XPNPEP3: variants seen among roughly 807,000 people sequenced by gnomAD.
XPNPEP3 encodes X-prolyl aminopeptidase 3, also known as xaa-Pro aminopeptidase 3.
A neutral mutation model predicts 60.0 loss-of-function variants in XPNPEP3; 41 were observed. The observed-to-expected ratio is 0.68, with a 90% confidence interval of 0.53 to 0.89. XPNPEP3 has a LOEUF of 0.89. Among genes scored for constraint, XPNPEP3 ranks in the 40% least tolerant of loss-of-function variants. The pLI, the probability that XPNPEP3 is intolerant of heterozygous loss-of-function variation, is 0.00. For synonymous variants in XPNPEP3, 212 were observed against 223.2 expected (o/e 0.95, Z 0.45); for missense variants, 598 against 638.9 (o/e 0.94, Z 0.69).
In XPNPEP3 at chr22:40,902,485, C is replaced by T. The variant is rs150171404; in HGVS notation, c.793-5102C>T. Among the ~76,000 whole-genome samples the T allele has an allele frequency of 2.2e-3, 335 of 152,120 alleles. 7 individuals carry two copies. The East Asian group carries it at 0.036, about 16-fold the overall frequency. On this transcript the variant is annotated intron_variant, in intron 4 of 9. Transcript: ENST00000357137. ...CAGGATGGTCTCGATCTCCTGACCT[C>T]GTGATCCGCCCACCTCGGCCTCCCA...
intron 1 of XPNPEP3, chr22:40,860,526 C>G: frequency 4.3e-6 from 3 of 697,220 alleles, no homozygotes; most frequent in East Asian, 6.5e-5. Context: ...TTGATACATT[C>G]TTGTCTTCTA....
chr22:40,926,509 A>C lies in XPNPEP3; in HGVS notation c.*74A>C. 2 of 1,542,544 alleles carry C rather than the reference A, an allele frequency of 1.3e-6. No individual in the cohort carries two copies. The highest frequency in any genetic ancestry group is 1.8e-6 in the Non-Finnish European group (2 of 1,116,884). ...GGCAGCCCTGCACGTGTGCTTTCTG[A>C]GTGTCTCTGTGTGTGCATTAATATA... is the stretch of plus-strand genomic sequence containing the variant. On this transcript the variant is annotated 3_prime_UTR_variant, in exon 10 of 10. Coordinates refer to ENST00000357137, the MANE Select transcript of XPNPEP3 (RefSeq NM_022098.4).
rs573751643 is a variant in XPNPEP3, at chr22:40,871,034, A to G, written c.181+1919A>G. ...ACAGAGGGAGACTCTGTCTCAAAAA[A>G]AAAGGAAAAAAAATTTAAAGGCATG... is the stretch of plus-strand genomic sequence containing the variant. On this transcript the variant is annotated intron_variant, in intron 2 of 9. Coordinates refer to ENST00000357137, the MANE Select transcript of XPNPEP3 (RefSeq NM_022098.4). 1.9e-3 allele frequency among the ~76,000 whole-genome samples: 288 copies of G among 151,946 alleles called. 3 individuals are homozygous for G. The highest frequency in any genetic ancestry group is 6.8e-3 in the African/African-American group (282 of 41,428).
rs770549685 is a variant in XPNPEP3 at position 40,926,346 on chromosome 22, G to A, written c.1435G>A (p.Val479Met). The A allele has an allele frequency of 1.2e-6, 2 of 1,614,180 alleles. No individual in the cohort carries two copies. Among genetic ancestry groups the A allele is most frequent in the South Asian group, 2.2e-5 (2 of 91,086 alleles). ...GLGVRIEDDV[V>M]VTQDSPLILS... ...TGGTGTACGAATTGAGGATGATGTA[G>A]TGGTGACTCAGGACTCACCTCTCAT... The change falls in exon 10 of 10, where the codon GTG (valine) becomes ATG (methionine). Residue 479 changes from valine to methionine, a missense_variant. Transcript: ENST00000357137.
chr22:40,861,276 C>T (rs1266234373), intron 1 of XPNPEP3: 23 of 1,614,170 alleles, frequency 1.4e-5, no homozygotes, highest in Non-Finnish European at 1.9e-5. Flanking sequence ...TGACTGTGTT[C>T]TCCAGCTGCA....
chr22:40,883,783 T>C (rs1423481185), intron 3 of XPNPEP3, among the ~76,000 whole-genome samples: 2 of 152,348 alleles, frequency 1.3e-5, no homozygotes, highest in East Asian at 3.8e-4. Context: ...TACACCACAT[T>C]ATAAACTATC....
chr22:40,897,065 G>A (rs989706920), intron 4 of XPNPEP3, among the ~76,000 whole-genome samples: 27 of 120,946 alleles, frequency 2.2e-4, no homozygotes, highest in Middle Eastern at 8.6e-3. Context: ...ACGGAGTTTC[G>A]CTGTTGCCCA....
At chr22:40,892,806 G>A (rs755008526) in intron 4 of XPNPEP3, among the ~76,000 whole-genome samples, 4 of 151,910 alleles carry the variant, frequency 2.6e-5, no homozygotes, top group Non-Finnish European at 5.9e-5. Flanking sequence ...GAATTCTCAG[G>A]AATATAGGGC....
intron 4 of XPNPEP3, chr22:40,907,196 C>T (rs902231037): frequency 3.1e-5 from 14 of 457,858 alleles, no homozygotes; most frequent in Admixed American, 1.2e-4. Flanking sequence ...CCAAGGTAGG[C>T]GGATCACGAG....
At chr22:40,882,198 T>C in intron 3 of XPNPEP3, 21 bp downstream of exon 3, 3 of 1,613,698 alleles carry the variant, frequency 1.9e-6, no homozygotes, top group Non-Finnish European at 2.5e-6. Flanking sequence ...GGAGCAGAAG[T>C]CACATTACAA....
intron 5 of XPNPEP3, among the ~76,000 whole-genome samples, chr22:40,907,956 G>T (rs529791677): frequency 6.6e-6 from 1 of 152,326 alleles, no homozygotes; most frequent in African/African-American, 2.4e-5. Context: ...GCTCATGCCT[G>T]TAATCCCAGC....
intron 7 of XPNPEP3, among the ~76,000 whole-genome samples, chr22:40,915,551 GAAA>G (rs552550340): frequency 2.4e-5 from 3 of 127,564 alleles, no homozygotes; most frequent in Non-Finnish European, 3.4e-5. Flanking sequence ...GACTCTATCT[GAAA>G]AAAAAAAAAA....
At chr22:40,871,631 GTA>G (rs972277070) in intron 2 of XPNPEP3, among the ~76,000 whole-genome samples, 3 of 152,070 alleles carry the variant, frequency 2.0e-5, no homozygotes, top group Admixed American at 6.6e-5. Flanking sequence ...GAGGATTTTG[GTA>G]TATGTTTCTT....
chr22:40,897,481 A>G (rs2058113378), intron 4 of XPNPEP3, among the ~76,000 whole-genome samples: 1 of 150,234 alleles, frequency 6.7e-6, no homozygotes, highest in South Asian at 2.1e-4. Flanking sequence ...GAATTGTTAG[A>G]TCTGTGGTGA....
At chr22:40,860,979 T>A in intron 1 of XPNPEP3, 1 of 1,268,926 alleles carries the variant, frequency 7.9e-7, no homozygotes. Context: ...AAGCTCTTAG[T>A]ATAGTATTAA....
At position 40,886,410 on chromosome 22, in the gene XPNPEP3, C is replaced by G. The variant is rs1409059709; in HGVS notation, c.687C>G (p.Ser229Arg). Reference sequence around the variant, plus strand: ...CCCTGACTGAGGCCAAAGCCAAGAGCAAGAACAAGGTTCGGGGTGTTCAGC... The same window carrying G: ...CCCTGACTGAGGCCAAAGCCAAGAGGAAGAACAAGGTTCGGGGTGTTCAGC... ...MQPLTEAKAKSKNKVRGVQQL... is the reference protein window; with the variant it reads ...MQPLTEAKAKRKNKVRGVQQL... The change falls in exon 4 of 10, where the codon AGC becomes AGG. Residue 229 changes from serine to arginine, a missense_variant. By Grantham distance (110) the Ser-to-Arg change is moderately radical. Transcript: ENST00000357137. 3.7e-6 allele frequency: 6 copies of G among 1,614,068 alleles called. No homozygotes were observed. In the Admixed American group the frequency reaches 6.7e-5, roughly 18 times the overall value.
intron 1 of XPNPEP3, among the ~76,000 whole-genome samples, chr22:40,865,697 G>T (rs1032912411): frequency 6.7e-6 from 1 of 148,734 alleles, no homozygotes; most frequent in Non-Finnish European, 1.5e-5. Context: ...TTTGTGGGGG[G>T]CGGGGGGGCA....
rs757892831 is a variant in XPNPEP3 at position 40,881,774 on chromosome 22, G to A, written c.186G>A (p.Glu62=). Residue 62 remains glutamate (E), a synonymous_variant, in exon 3 of 10, where the codon GAG becomes GAA. Transcript: ENST00000357137. ...CCTTTTATTTGTCATTTCTAGGGGAGGTAACTCCAGGACTATCTCAGGTGG... is the reference window on the plus strand; with the variant it reads ...CCTTTTATTTGTCATTTCTAGGGGAAGTAACTCCAGGACTATCTCAGGTGG... ...FTHPHLLRPG[E]VTPGLSQVEY... 1 of 1,613,916 alleles carries A rather than the reference G, an allele frequency of 6.2e-7. No individual in the cohort carries two copies. Among genetic ancestry groups the A allele is most frequent in the East Asian group, 2.2e-5 (1 of 44,898 alleles).
At chr22:40,862,680 G>A (rs1453346357) in intron 1 of XPNPEP3, 1 of 985,322 alleles carries the variant, frequency 1.0e-6, no homozygotes, top group Admixed American at 6.1e-5. Flanking sequence ...CATGCCAGTG[G>A]TAAGTCATTT....
Sources: gnomAD v4.1 joint callset for allele counts (sites outside exome capture counted in the v4.1 genomes callset) on GRCh38, gnomAD v4.1.1 for gene constraint, MANE v1.5 for transcripts, NCBI Gene and HGNC (gene_info 2026-07-23, HGNC 2026-07-21) for gene names.